Variants in FSIP2 observed in about 807,000 individuals in gnomAD.
The protein encoded by FSIP2 is fibrous sheath-interacting protein 2.
A neutral mutation model predicts 510.5 loss-of-function variants in FSIP2; 367 were observed. The observed-to-expected ratio is 0.72, with a 90% CI of 0.66 to 0.78. The LOEUF (loss-of-function observed/expected upper bound fraction) is 0.78, where lower values mean the gene tolerates loss of function less well. FSIP2 is among the 30% of genes least tolerant of loss of function. FSIP2 has a pLI of 0.00. For synonymous variants in FSIP2, 2,601 were observed against 2,732.2 expected (o/e 0.95, Z 1.50); for missense variants, 7,594 against 7,901.7 (o/e 0.96, Z 1.48).
At position 185,804,524 on chromosome 2, in the gene FSIP2, T is replaced by C. The variant is rs1351105426; in HGVS notation, c.15218T>C (p.Leu5073Ser). The C allele has an allele frequency of 1.2e-5, 18 of 1,517,868 alleles. No homozygotes were observed. The highest frequency in any genetic ancestry group is 2.1e-5 in the Admixed American group (1 of 47,790). 94.0% of individuals were successfully genotyped at this position (1,517,868 alleles called of 1,614,324 possible). Residue 5073 changes from leucine to serine, a missense_variant, in exon 17 of 23, where the codon TTA becomes TCA. Transcript: ENST00000424728. ...ATATATGATTATCAAGTGCAGTCAT[T>C]AGTTTCAGGAGAATTAGAGTCTTCT... is the stretch of plus-strand genomic sequence containing the variant. The part of the protein sequence containing the change: ...EEIYDYQVQS[L>S]VSGELESSSY...
rs1693468539 is a variant in FSIP2 at position 185,802,692 on chromosome 2, C to T, written c.13386C>T (p.Thr4462=). 6.5e-7 allele frequency: 1 copy of T among 1,528,802 alleles called. No homozygotes were observed. The highest frequency in any genetic ancestry group is 2.0e-5 in the Admixed American group (1 of 49,794). The allele number at this position is 1,528,802 out of a possible 1,614,324, so 94.7% of individuals were successfully genotyped here. A position where few individuals can be genotyped will look rare whatever the true frequency, so the allele number is the denominator to read the frequency against. ...EPSQSVPLYN[T]LLPYTFLEDM... is the part of the protein sequence containing the mutation. ...GCCAGAGTGTACCTCTATATAACAC[C>T]TTGCTGCCATACACATTTTTAGAAG... The change falls in exon 17 of 23, where the codon ACC becomes ACT. Residue 4462 remains threonine, a synonymous_variant. Transcript: ENST00000424728.
In FSIP2 at chr2:185,831,890, A is replaced by G. The variant is rs781044453; in HGVS notation, c.20587+8A>G. ...CAAAGGAAGTCATTTCAGGTACAAA[A>G]TGTACTATTTTAACAACTGGTGTAA... On this transcript the variant is annotated splice_region_variant and intron_variant, in intron 22 of 22. Coordinates refer to ENST00000424728, the MANE Select transcript of FSIP2 (RefSeq NM_173651.4). 8 of 1,548,602 alleles carry G rather than the reference A, an allele frequency of 5.2e-6. No homozygotes were observed. The highest frequency in any genetic ancestry group is 1.4e-5 in the African/African-American group (1 of 73,672).
chr2:185,763,242 A>C lies in FSIP2; in HGVS notation c.1300A>C (p.Asn434His). The change falls in exon 12 of 23, where the codon AAT becomes CAT. Residue 434 changes from asparagine to histidine, a missense_variant. Physicochemically the swap from Asn to His is moderately conservative, Grantham distance 68. Transcript: ENST00000424728. ...IISAQVSPTR[N>H]FSRVSQAFLD... Reference sequence around the variant, plus strand: ...TTCAGCGCAGGTATCACCCACGAGAAATTTTTCCAGAGTTTCACAGGCATT... The same window carrying C: ...TTCAGCGCAGGTATCACCCACGAGACATTTTTCCAGAGTTTCACAGGCATT... The C allele has an allele frequency of 3.9e-6, 6 of 1,523,354 alleles. No homozygotes were observed. Among genetic ancestry groups the C allele is most frequent in the African/African-American group, 1.4e-5 (1 of 72,718 alleles). The allele number at this position is 1,523,354 out of a possible 1,614,324, so 94.4% of individuals were successfully genotyped here. A position where few individuals can be genotyped will look rare whatever the true frequency, so the allele number is the denominator to read the frequency against.
In FSIP2 at chr2:185,790,497, A is replaced by G. The variant is rs1169392850; in HGVS notation, c.3361A>G (p.Ile1121Val). 2.0e-6 allele frequency: 3 copies of G among 1,534,288 alleles called. No homozygotes were observed. The highest frequency in any genetic ancestry group is 1.7e-6 in the Non-Finnish European group (2 of 1,145,654). The change falls in exon 16 of 23, where the codon ATA becomes GTA. Residue 1121 changes from isoleucine to valine, a missense_variant. Ile to Val is a conservative substitution (Grantham distance 29). Coordinates refer to ENST00000424728, the MANE Select transcript of FSIP2 (RefSeq NM_173651.4). ...TATTTTAAAGGAAATGCTCAAGGAC[A>G]TATCTTCCGTTCCTTTTGGTCACTT... The part of the protein sequence containing the change: ...TSILKEMLKD[I>V]SSVPFGHLDS...
rs1282944060 is a variant in FSIP2, at chr2:185,738,883, G to A, written c.-12G>A. ...GGCGGGTGAGGAAGGGGCTGAGGGGGCTGTGCCGGCCATGGAGCTGTACCT... is the reference window on the plus strand; with the variant it reads ...GGCGGGTGAGGAAGGGGCTGAGGGGACTGTGCCGGCCATGGAGCTGTACCT... On this transcript the variant is annotated 5_prime_UTR_variant, in exon 1 of 23. Transcript: ENST00000424728. 2.6e-6 allele frequency: 4 copies of A among 1,535,360 alleles called. No homozygotes were observed. The African/African-American group carries it at 5.5e-5, about 21-fold the overall frequency.
chr2:185,792,505 A>C lies in FSIP2; in HGVS notation c.5369A>C (p.Gln1790Pro). Residue 1790 changes from glutamine (Q) to proline (P), a missense_variant, in exon 16 of 23, where the codon CAA becomes CCA. By Grantham distance (76) the Gln-to-Pro change is moderately conservative. Coordinates refer to ENST00000424728, the MANE Select transcript of FSIP2 (RefSeq NM_173651.4). ...AGAAATATTTTGAATGAAATTTTTCAAAGTACTTTAATCAATCAATTAAAT... is the reference window on the plus strand; with the variant it reads ...AGAAATATTTTGAATGAAATTTTTCCAAGTACTTTAATCAATCAATTAAAT... ...IIRNILNEIF[Q>P]STLINQLNVL... The C allele has an allele frequency of 2.6e-6, 4 of 1,529,290 alleles. No homozygotes were observed. In the South Asian group the frequency reaches 4.8e-5, roughly 18 times the overall value. 94.7% of individuals were successfully genotyped at this position (1,529,290 alleles called of 1,614,324 possible).
chr2:185,828,256 T>C, intron 21 of FSIP2, 57 bp downstream of exon 21: 1 of 936,244 alleles, frequency 1.1e-6, no homozygotes, highest in Non-Finnish European at 1.7e-6. Context: ...TCAGAACAAC[T>C]CAGTTTTCAT....
At chr2:185,739,303 C>T in intron 1 of FSIP2, 43 bp from the exon 2 acceptor site, 2 of 1,491,624 alleles carry the variant, frequency 1.3e-6, no homozygotes, top group Non-Finnish European at 1.8e-6. Flanking sequence ...TAAACTAATA[C>T]TGCCTAAAAG....
chr2:185,795,841 C>G lies in FSIP2; in HGVS notation c.8705C>G (p.Ala2902Gly), dbSNP rs927982058. ...AGGTTTTATAATCATTTTAAAGGAG[C>G]TTCTACTAGAGCCGAGGATACTAAA... ...ESRFYNHFKG[A>G]STRAEDTKAQ... The change falls in exon 16 of 23, where the codon GCT (alanine) becomes GGT (glycine). Residue 2902 changes from alanine (A) to glycine (G), a missense_variant. Coordinates refer to ENST00000424728, the MANE Select transcript of FSIP2 (RefSeq NM_173651.4). 5.2e-6 allele frequency: 8 copies of G among 1,532,390 alleles called. No homozygotes were observed. In the African/African-American group the frequency reaches 8.3e-5, roughly 16 times the overall value. The allele number at this position is 1,532,390 out of a possible 1,614,324, so 94.9% of individuals were successfully genotyped here.
intron 22 of FSIP2, among the ~76,000 whole-genome samples, chr2:185,832,512 T>C (rs1487165293): frequency 2.6e-5 from 4 of 151,922 alleles, no homozygotes; most frequent in Admixed American, 6.6e-5. Context: ...CACAGGATTT[T>C]AGTGGCCCTA....
In FSIP2 at chr2:185,760,715, C is replaced by T. The variant is rs529078252; in HGVS notation, c.1079-273C>T. ...AAAGAAGCCAGGGAAATATGAAATT[C>T]TAGAAAGCGCAAACTAATCTTGAGT... On this transcript the variant is annotated intron_variant, in intron 9 of 22. Transcript: ENST00000424728. Among the ~76,000 whole-genome samples the T allele has an allele frequency of 1.0e-4, 15 of 150,478 alleles. No homozygotes were observed. In the East Asian group the frequency reaches 2.9e-3, roughly 29 times the overall value.
At chr2:185,759,773 A>G (rs887851887) in intron 9 of FSIP2, among the ~76,000 whole-genome samples, 4 of 150,202 alleles carry the variant, frequency 2.7e-5, no homozygotes, top group African/African-American at 4.9e-5. Context: ...TTTGTATAAA[A>G]GTGATTCTGA....
intron 14 of FSIP2, among the ~76,000 whole-genome samples, chr2:185,785,341 AACCC>A (rs892555657): frequency 7.2e-5 from 11 of 152,052 alleles, no homozygotes; most frequent in Non-Finnish European, 1.5e-5. Flanking sequence ...TTATGAACTG[AACCC>A]AGTGAAGTTT....
Position 185,794,453 on chromosome 2 carries a change from C to G in FSIP2, c.7317C>G (p.Thr2439=). ...GTCACAAAGAGAAGGAAAGAAGTAC[C>G]AAACAATCTCTATTTACAAAGTATC... ...LLGHKEKERS[T]KQSLFTKYPL... is the part of the protein sequence containing the mutation. Residue 2439 remains threonine, a synonymous_variant, in exon 16 of 23, where the codon ACC becomes ACG. Transcript: ENST00000424728. 1 of 1,508,868 alleles carries G rather than the reference C, an allele frequency of 6.6e-7. No individual in the cohort carries two copies. Among genetic ancestry groups the G allele is most frequent in the Non-Finnish European group, 8.8e-7 (1 of 1,135,842 alleles). The allele number at this position is 1,508,868 out of a possible 1,614,324, so 93.5% of individuals were successfully genotyped here.
chr2:185,786,117 T>C, intron 14 of FSIP2, 135 bp from the exon 15 acceptor site: 1 of 612,770 alleles, frequency 1.6e-6, no homozygotes, highest in Non-Finnish European at 2.8e-6. Flanking sequence ...GAAAAAACAG[T>C]GTATTCTTCA....
rs186109835 is a variant in FSIP2, at chr2:185,802,012, G to C, written c.12706G>C (p.Val4236Leu). 4 of 1,527,236 alleles carry C rather than the reference G, an allele frequency of 2.6e-6. No homozygotes were observed. The highest frequency in any genetic ancestry group is 1.2e-5 in the South Asian group (1 of 82,604). The allele number at this position is 1,527,236 out of a possible 1,614,324, so 94.6% of individuals were successfully genotyped here. A position where few individuals can be genotyped will look rare whatever the true frequency, so the allele number is the denominator to read the frequency against. Reference protein sequence around the residue: ...DSLVSIQKSIVSRSPIMIDQI... With the variant: ...DSLVSIQKSILSRSPIMIDQI... ...TCTTGTTTCAATACAAAAAAGTATA[G>C]TAAGCCGAAGCCCAATTATGATTGA... The change falls in exon 17 of 23, where the codon GTA (valine) becomes CTA (leucine). Residue 4236 changes from valine (V) to leucine (L), a missense_variant. By Grantham distance (32) the Val-to-Leu change is conservative (BLOSUM62 1). Transcript: ENST00000424728.
chr2:185,792,169 T>C lies in FSIP2; in HGVS notation c.5033T>C (p.Ile1678Thr). ...GAAAACCCACCACCTGAGACTCAAA[T>C]ACTTAAGTATGTAGTCAAGTTAATT... ...SVENPPPETQ[I>T]LKYVVKLILD... The change falls in exon 16 of 23, where the codon ATA becomes ACA. Residue 1678 changes from isoleucine to threonine, a missense_variant. Transcript: ENST00000424728. The C allele has an allele frequency of 6.5e-7, 1 of 1,532,570 alleles. No individual in the cohort carries two copies. Among genetic ancestry groups the C allele is most frequent in the South Asian group, 1.2e-5 (1 of 83,760 alleles). 94.9% of individuals were successfully genotyped at this position (1,532,570 alleles called of 1,614,324 possible). A position where few individuals can be genotyped will look rare whatever the true frequency, so the allele number is the denominator to read the frequency against.
chr2:185,808,719 C>A lies in FSIP2; in HGVS notation c.19413C>A (p.Asn6471Lys). Reference sequence around the variant, plus strand: ...CAAGTTTTCCATTAGATACAATTAACTCAACAATTTCAAATGCTGATCTCT... The same window carrying A: ...CAAGTTTTCCATTAGATACAATTAAATCAACAATTTCAAATGCTGATCTCT... Reference protein sequence around the residue: ...GVSSFPLDTINSTISNADLSG... With the variant: ...GVSSFPLDTIKSTISNADLSG... Residue 6471 changes from asparagine to lysine, a missense_variant, in exon 17 of 23, where the codon AAC (asparagine) becomes AAA (lysine). Coordinates refer to ENST00000424728, the MANE Select transcript of FSIP2 (RefSeq NM_173651.4). 1 of 1,612,006 alleles carries A rather than the reference C, an allele frequency of 6.2e-7. No individual in the cohort carries two copies. Among genetic ancestry groups the A allele is most frequent in the South Asian group, 1.1e-5 (1 of 90,888 alleles).
chr2:185,804,409 C>G lies in FSIP2; in HGVS notation c.15103C>G (p.Gln5035Glu). Residue 5035 changes from glutamine (Q) to glutamate (E), a missense_variant, in exon 17 of 23, where the codon CAA becomes GAA. Transcript: ENST00000424728. ...VNSVYGKVLD[Q>E]YKSLIQIHRV... ...CTCAGTATATGGAAAAGTATTAGAT[C>G]AATATAAATCTCTGATTCAAATACA... is the stretch of plus-strand genomic sequence containing the variant. The G allele has an allele frequency of 6.6e-7, 1 of 1,503,800 alleles. No homozygotes were observed. Among genetic ancestry groups the G allele is most frequent in the Non-Finnish European group, 8.9e-7 (1 of 1,127,788 alleles). 93.2% of individuals were successfully genotyped at this position (1,503,800 alleles called of 1,614,324 possible).
Sources: gnomAD v4.1 joint callset for allele counts (sites outside exome capture counted in the v4.1 genomes callset) on GRCh38, gnomAD v4.1.1 for gene constraint, MANE v1.5 for transcripts, NCBI Gene and HGNC (gene_info 2026-07-23, HGNC 2026-07-21) for gene names.